The following SOX5 variants were observed in gnomAD, a reference collection of about 807,000 sequenced individuals.
SOX5 encodes the protein SRY-box transcription factor 5, also known as transcription factor SOX-5.
A neutral mutation model predicts 92.0 loss-of-function variants in SOX5; 9 were observed. The observed-to-expected ratio is 0.10, with a 90% CI of 0.06 to 0.17. The LOEUF (loss-of-function observed/expected upper bound fraction) is 0.17, where lower values mean the gene tolerates loss of function less well. SOX5 is among the 10% of genes least tolerant of loss of function. The probability of loss-of-function intolerance (pLI) is 1.00; values close to 1 mark genes in which losing one functional copy is unlikely to be tolerated. For missense variants in SOX5, 642 were observed against 944.5 expected (o/e 0.68, Z 4.20); for synonymous variants, 344 against 336.3 (o/e 1.02, Z -0.25).
intron 3 of SOX5, among the ~76,000 whole-genome samples, chr12:23,765,774 T>A (rs1023115226): frequency 6.6e-6 from 1 of 152,118 alleles, no homozygotes. Context: ...TTTGCACAGT[T>A]CACACAAACA....
intron 1 of SOX5, among the ~76,000 whole-genome samples, chr12:24,438,220 G>A (rs553851451): frequency 2.5e-4 from 38 of 152,208 alleles, no homozygotes; most frequent in African/African-American, 8.9e-4. Context: ...CTCATAAGTG[G>A]GAGTTGAACA....
intron 1 of SOX5, among the ~76,000 whole-genome samples, chr12:23,940,899 A>G (rs1943510014): frequency 6.6e-6 from 1 of 151,176 alleles, no homozygotes; most frequent in East Asian, 1.9e-4. Flanking sequence ...GATTCACCCA[A>G]CGTCTTCGGT....
intron 3 of SOX5, among the ~76,000 whole-genome samples, chr12:23,829,899 T>C (rs757936906): frequency 3.3e-5 from 5 of 152,002 alleles, no homozygotes; most frequent in Non-Finnish European, 5.9e-5. Context: ...AAAAGAAAAA[T>C]AGAAGCTTTC....
chr12:23,543,150 T>A, intron 13 of SOX5, 61 bp downstream of exon 13: 1 of 1,402,534 alleles, frequency 7.1e-7, no homozygotes, highest in Non-Finnish European at 9.8e-7. Context: ...CTTCCACAAC[T>A]GCAGAAAACA....
chr12:24,470,742 C>T (rs1944728484), intron 1 of SOX5, among the ~76,000 whole-genome samples: 1 of 152,166 alleles, frequency 6.6e-6, no homozygotes, highest in Non-Finnish European at 1.5e-5. Context: ...ATCTCACTCC[C>T]ATTATTTACC....
At chr12:24,184,480 G>A (rs1483077692) in intron 4 of SOX5, among the ~76,000 whole-genome samples, 1 of 152,114 alleles carries the variant, frequency 6.6e-6, no homozygotes, top group East Asian at 1.9e-4. Flanking sequence ...GTTCAGATAA[G>A]ATTTTGACAG....
chr12:23,676,227 C>CA (rs149680576), intron 6 of SOX5, among the ~76,000 whole-genome samples: 39 of 151,366 alleles, frequency 2.6e-4, no homozygotes, highest in African/African-American at 7.0e-4. Flanking sequence ...GCTCTTAATA[C>CA]AAAAAAAAGT....
chr12:24,036,483 T>C (rs2136936192), intron 4 of SOX5, among the ~76,000 whole-genome samples: 1 of 152,292 alleles, frequency 6.6e-6, no homozygotes, highest in East Asian at 1.9e-4. Flanking sequence ...GAGAACCGAA[T>C]TGGTCTGTAA....
At chr12:23,928,541 A>T (rs1271957662) in intron 1 of SOX5, among the ~76,000 whole-genome samples, 6 of 151,950 alleles carry the variant, frequency 3.9e-5, no homozygotes, top group Non-Finnish European at 8.8e-5. Flanking sequence ...AAATACATAA[A>T]CTATAGAAAA....
At chr12:24,345,026 G>C (rs16927485) in intron 2 of SOX5, among the ~76,000 whole-genome samples, 232 of 152,264 alleles carry the variant, frequency 1.5e-3, no homozygotes, top group African/African-American at 5.2e-3. Flanking sequence ...GCCAAGGAAA[G>C]TTCTTCCCTT....
intron 10 of SOX5, among the ~76,000 whole-genome samples, chr12:23,573,634 T>A (rs1948706775): frequency 6.6e-6 from 1 of 152,230 alleles, no homozygotes; most frequent in African/African-American, 2.4e-5. Flanking sequence ...ACTTTTATAC[T>A]CTCTACTTCA....
At chr12:24,284,708 A>C (rs1199681286) in intron 2 of SOX5, among the ~76,000 whole-genome samples, 1 of 152,020 alleles carries the variant, frequency 6.6e-6, no homozygotes, top group African/African-American at 2.4e-5. Context: ...AACCCCATCT[A>C]TTCCCTTTGT....
chr12:24,205,944 T>A (rs1259034066), intron 4 of SOX5, among the ~76,000 whole-genome samples: 1 of 152,214 alleles, frequency 6.6e-6, no homozygotes, highest in Non-Finnish European at 1.5e-5. Context: ...TAATCTGTGT[T>A]TGCAAGTCAA....
At chr12:24,266,019 C>T (rs530251387) in intron 3 of SOX5, among the ~76,000 whole-genome samples, 6 of 146,376 alleles carry the variant, frequency 4.1e-5, no homozygotes, top group African/African-American at 1.5e-4. Context: ...CAGGTGTATG[C>T]CATCATGCCA....
intron 7 of SOX5, among the ~76,000 whole-genome samples, chr12:23,664,106 G>A (rs2083442923): frequency 6.6e-6 from 1 of 151,968 alleles, no homozygotes; most frequent in South Asian, 2.1e-4. Flanking sequence ...ATCTCAAATT[G>A]CTTTGCATAT....
intron 3 of SOX5, among the ~76,000 whole-genome samples, chr12:23,832,424 G>A (rs554232308): frequency 7.9e-5 from 12 of 151,846 alleles, no homozygotes; most frequent in East Asian, 1.9e-4. Context: ...CTCTGAATCC[G>A]GTGTTTCGGT....
At chr12:24,247,001 A>T (rs917748554) in intron 3 of SOX5, among the ~76,000 whole-genome samples, 2 of 152,212 alleles carry the variant, frequency 1.3e-5, no homozygotes, top group Admixed American at 1.3e-4. Flanking sequence ...ATCACATTTT[A>T]AAAAAAGAAA....
chr12:23,862,609 G>A (rs549130192), intron 2 of SOX5, among the ~76,000 whole-genome samples: 1 of 152,258 alleles, frequency 6.6e-6, no homozygotes, highest in South Asian at 2.1e-4. Context: ...AAAGTAGTAG[G>A]TGCCATATAT....
intron 1 of SOX5, among the ~76,000 whole-genome samples, chr12:23,915,230 C>T (rs912840434): frequency 1.3e-5 from 2 of 152,040 alleles, no homozygotes; most frequent in Non-Finnish European, 1.5e-5. Flanking sequence ...TGAATAAATG[C>T]TATCTATTAT....
Sources: allele counts gnomAD v4.1 joint callset (sites outside exome capture counted in the v4.1 genomes callset), GRCh38; gene constraint gnomAD v4.1.1; transcripts MANE v1.5; gene names NCBI Gene and HGNC (gene_info 2026-07-23, HGNC 2026-07-21).